Variants in SCARB1 observed in about 807,000 individuals in gnomAD.
SCARB1 encodes CD36 and LIMPII analogous 1.
In SCARB1, 30 loss-of-function variants were observed where a neutral mutation model predicts 57.2. That is an observed-to-expected ratio of 0.52 (90% CI 0.39 to 0.71). SCARB1 has a LOEUF of 0.71. SCARB1 is among the 30% of genes least tolerant of loss of function. The pLI, the probability that SCARB1 is intolerant of heterozygous loss-of-function variation, is 0.00. For missense variants in SCARB1, 543 were observed against 671.2 expected, an observed-to-expected ratio of 0.81 and a Z score of 2.11; for synonymous variants, 249 against 268.3, an observed-to-expected ratio of 0.93 and a Z score of 0.70.
Position 124,802,445 on chromosome 12 carries a change from C to T in SCARB1, c.1010-2203G>A, listed in dbSNP as rs543525139. On this transcript the variant is annotated intron_variant, in intron 7 of 12. Transcript: ENST00000261693. The stretch of plus-strand genomic sequence containing the variant: ...TCCCAAGCACCCGCAGGGACAGTGT[C>T]CTCCACAATCTGGAAAACGCTGCCT... 2.0e-4 allele frequency among the ~76,000 whole-genome samples: 30 copies of T among 152,138 alleles called. 1 individual carries two copies. The South Asian group carries it at 6.0e-3, about 30-fold the overall frequency.
intron 1 of SCARB1, among the ~76,000 whole-genome samples, chr12:124,851,448 A>G (rs1245261550): frequency 6.6e-6 from 1 of 150,600 alleles, no homozygotes; most frequent in Non-Finnish European, 1.5e-5. Context: ...TTTTTTTTCT[A>G]ATTGAATGCA....
chr12:124,839,261 C>T, intron 1 of SCARB1: 1 of 456,012 alleles, frequency 2.2e-6, no homozygotes, highest in South Asian at 1.5e-5. Context: ...TTTTCTGTCT[C>T]TGTGGATCTG....
intron 1 of SCARB1, among the ~76,000 whole-genome samples, chr12:124,832,653 C>A (rs978829817): frequency 3.9e-5 from 6 of 152,176 alleles, no homozygotes; most frequent in African/African-American, 1.4e-4. Context: ...AAAATGTGCA[C>A]CCCATATTTA....
At chr12:124,784,368 T>C (rs562061808) in intron 11 of SCARB1, 53 of 152,380 alleles carry the variant, frequency 3.5e-4, no homozygotes, top group African/African-American at 1.1e-3. Flanking sequence ...TTGGACCCAA[T>C]GGTCATTGTT....
chr12:124,787,341 C>G, intron 10 of SCARB1, 65 bp downstream of exon 10: 1 of 1,497,382 alleles, frequency 6.7e-7, no homozygotes, highest in Non-Finnish European at 9.3e-7. Flanking sequence ...CCCCCGCCTC[C>G]TGCCTCAAAT....
At chr12:124,829,144 G>A (rs1029515455) in intron 1 of SCARB1, among the ~76,000 whole-genome samples, 1 of 152,222 alleles carries the variant, frequency 6.6e-6, no homozygotes, top group Non-Finnish European at 1.5e-5. Flanking sequence ...ACCCACGCTT[G>A]TAAGTTGCTT....
At chr12:124,798,211 G>C (rs530830435) in intron 8 of SCARB1, among the ~76,000 whole-genome samples, 138 of 152,314 alleles carry the variant, frequency 9.1e-4, no homozygotes, top group Non-Finnish European at 1.6e-3. Context: ...AGGAGTTCCA[G>C]ACCAGCTTGG....
intron 9 of SCARB1, among the ~76,000 whole-genome samples, chr12:124,791,709 C>A (rs1949734459): frequency 6.6e-6 from 1 of 152,176 alleles, no homozygotes; most frequent in South Asian, 2.1e-4. Context: ...GTAATCCCAG[C>A]ACTTTGGGAG....
intron 1 of SCARB1, among the ~76,000 whole-genome samples, chr12:124,856,713 C>T (rs978078043): frequency 1.3e-5 from 2 of 152,194 alleles, no homozygotes; most frequent in African/African-American, 4.8e-5. Context: ...CTACAGGAAA[C>T]GCCCGGTAGG....
Position 124,778,133 on chromosome 12 carries a change from G to A in SCARB1, c.*454C>T, listed in dbSNP as rs1373344927. 4.1e-6 allele frequency: 1 copy of A among 245,780 alleles called. No homozygotes were observed. Among genetic ancestry groups the A allele is most frequent in the Non-Finnish European group, 7.7e-6 (1 of 129,658 alleles). The allele number at this position is 245,780 out of a possible 1,614,324, so 15.2% of individuals were successfully genotyped here. On this transcript the variant is annotated 3_prime_UTR_variant, in exon 13 of 13. Transcript: ENST00000261693. ...TCCCCACTGAATTTGGCACAGGAAG[G>A]CGGCACTCCCAGCCTGGCCCGTCCT...
intron 11 of SCARB1, chr12:124,783,581 A>G (rs1196716816): frequency 2.0e-5 from 3 of 152,168 alleles, no homozygotes; most frequent in Non-Finnish European, 4.4e-5. Flanking sequence ...AGCCTGGCCA[A>G]CATGGTGAAA....
At chr12:124,802,508 G>A (rs951146766) in intron 7 of SCARB1, among the ~76,000 whole-genome samples, 2 of 152,044 alleles carry the variant, frequency 1.3e-5, no homozygotes, top group African/African-American at 4.8e-5. Context: ...CCACGGAGCC[G>A]AACTCTGGAG....
intron 1 of SCARB1, among the ~76,000 whole-genome samples, chr12:124,833,193 C>CTTT (rs34730382): frequency 2.1e-5 from 3 of 141,350 alleles, no homozygotes; most frequent in Non-Finnish European, 3.1e-5. Context: ...AGATCCTTAA[C>CTTT]TTTTTTTTTT....
At chr12:124,835,767 G>A (rs766287703) in intron 1 of SCARB1, among the ~76,000 whole-genome samples, 2 of 152,252 alleles carry the variant, frequency 1.3e-5, no homozygotes, top group African/African-American at 2.4e-5. Flanking sequence ...TCTGTTGACA[G>A]TATCTTAAAC....
intron 1 of SCARB1, among the ~76,000 whole-genome samples, chr12:124,839,072 G>A (rs534368192): frequency 6.6e-6 from 1 of 152,032 alleles, no homozygotes; most frequent in Admixed American, 6.6e-5. Context: ...TACACGCCCA[G>A]CCCAACTTAG....
chr12:124,816,670 TG>T (rs1950728264), intron 2 of SCARB1, among the ~76,000 whole-genome samples: 1 of 151,512 alleles, frequency 6.6e-6, no homozygotes, highest in Admixed American at 6.6e-5. Flanking sequence ...AACTGGGAAG[TG>T]GGGGTGTGGA....
In SCARB1 at chr12:124,778,384, G is replaced by A. The variant is rs1040403003; in HGVS notation, c.*203C>T. 1 of 1,205,190 alleles carries A rather than the reference G, an allele frequency of 8.3e-7. No individual in the cohort carries two copies. The highest frequency in any genetic ancestry group is 1.0e-6 in the Non-Finnish European group (1 of 957,356). 74.7% of individuals were successfully genotyped at this position (1,205,190 alleles called of 1,614,324 possible). Reference sequence around the variant, plus strand: ...TTCAGCAGCAGCTCCATCCCTGAGTGTCTGCACAAGCCTGCACGCATGTGT... The same window carrying A: ...TTCAGCAGCAGCTCCATCCCTGAGTATCTGCACAAGCCTGCACGCATGTGT... On this transcript the variant is annotated 3_prime_UTR_variant, in exon 13 of 13. Transcript: ENST00000261693.
At chr12:124,844,986 C>T (rs1480583925) in intron 1 of SCARB1, among the ~76,000 whole-genome samples, 3 of 151,856 alleles carry the variant, frequency 2.0e-5, no homozygotes, top group Non-Finnish European at 4.4e-5. Flanking sequence ...GAGGCAGGGC[C>T]GGGATCTGGA....
intron 7 of SCARB1, among the ~76,000 whole-genome samples, chr12:124,803,766 T>C (rs1950226911): frequency 6.8e-6 from 1 of 146,188 alleles, no homozygotes; most frequent in Non-Finnish European, 1.5e-5. Context: ...GTACCTGTGC[T>C]CCCAGCTACC....
Sources: allele counts gnomAD v4.1 joint callset (sites outside exome capture counted in the v4.1 genomes callset), GRCh38; gene constraint gnomAD v4.1.1; transcripts MANE v1.5; gene names NCBI Gene and HGNC (gene_info 2026-07-23, HGNC 2026-07-21).